PBRM1: variants seen among roughly 807,000 people sequenced by gnomAD.
PBRM1 encodes the protein protein polybromo-1.
In PBRM1, 27 loss-of-function variants were observed where a neutral mutation model predicts 194.5. That is an observed-to-expected ratio of 0.14 (90% CI 0.10 to 0.19). The LOEUF (loss-of-function observed/expected upper bound fraction) is 0.19, where lower values mean the gene tolerates loss of function less well. Ranked by LOEUF, PBRM1 falls within the 10% of genes least tolerant of loss-of-function variation. The pLI, the probability that PBRM1 is intolerant of heterozygous loss-of-function variation, is 1.00. For missense variants in PBRM1, 1,466 were observed against 2,077.2 expected (o/e 0.71, Z 5.72); for synonymous variants, 655 against 693.2 (o/e 0.94, Z 0.87).
At chr3:52,563,560 G>T in intron 23 of PBRM1, 67 bp from the exon 26 acceptor site, 2 of 1,118,460 alleles carry the variant, frequency 1.8e-6, no homozygotes, top group Non-Finnish European at 2.7e-6. Context: ...GGAAAGCAGT[G>T]TTCCACCTTA....
intron 2 of PBRM1, among the ~76,000 whole-genome samples, chr3:52,672,769 C>A (rs1161461990): frequency 1.3e-5 from 2 of 152,010 alleles, no homozygotes; most frequent in Non-Finnish European, 2.9e-5. Context: ...GTTGGGATTA[C>A]AGGCATGAGC....
intron 17 of PBRM1, among the ~76,000 whole-genome samples, chr3:52,602,917 T>C (rs546175401): frequency 4.6e-5 from 7 of 152,218 alleles, no homozygotes; most frequent in Non-Finnish European, 7.3e-5. Context: ...TGCCAAAGAT[T>C]AACATAACTT....
exon 25 of PBRM1, chr3:52,561,928 C>G (rs1199584083): frequency 6.2e-6 from 10 of 1,614,106 alleles, no homozygotes; most frequent in East Asian, 2.2e-5. Context: ...CCGTTTGGAG[C>G]CTTCCTTCTT....
chr3:52,671,281 A>G (rs1358607164), intron 2 of PBRM1, among the ~76,000 whole-genome samples: 2 of 152,248 alleles, frequency 1.3e-5, no homozygotes, highest in African/African-American at 2.4e-5. Context: ...AATACTTGAG[A>G]AAAAAACATA....
chr3:52,570,727 G>A (rs1199186289), intron 22 of PBRM1, among the ~76,000 whole-genome samples: 1 of 152,144 alleles, frequency 6.6e-6, no homozygotes, highest in Non-Finnish European at 1.5e-5. Flanking sequence ...AGATCAATTT[G>A]GGGGGAACTG....
chr3:52,632,113 T>G (rs186105778), intron 11 of PBRM1, among the ~76,000 whole-genome samples: 59 of 152,354 alleles, frequency 3.9e-4, no homozygotes, highest in African/African-American at 1.3e-3. Flanking sequence ...AATACCTCTT[T>G]GAGACCCTGC....
chr3:52,588,044 C>G (rs2092625182), intron 18 of PBRM1, among the ~76,000 whole-genome samples: 1 of 151,972 alleles, frequency 6.6e-6, no homozygotes, highest in African/African-American at 2.4e-5. Context: ...TGCCCAGGCT[C>G]TTCTTCATAT....
At chr3:52,633,996 C>T (rs968215478) in intron 11 of PBRM1, among the ~76,000 whole-genome samples, 4 of 152,022 alleles carry the variant, frequency 2.6e-5, no homozygotes, top group South Asian at 4.2e-4. Context: ...GGTATGGTTG[C>T]GGTTAATGAA....
intron 17 of PBRM1, among the ~76,000 whole-genome samples, chr3:52,597,838 G>C (rs1286477734): frequency 6.6e-6 from 1 of 152,076 alleles, no homozygotes; most frequent in Non-Finnish European, 1.5e-5. Flanking sequence ...CGAGTAGCTG[G>C]GACTATAGGC....
exon 25 of PBRM1, chr3:52,561,952 G>A (rs1455184698): frequency 6.2e-7 from 1 of 1,613,642 alleles, no homozygotes; most frequent in Admixed American, 1.7e-5. Context: ...ACTGCCTTTG[G>A]CAGACTTTGG....
In PBRM1 at chr3:52,601,040, C is replaced by T. The variant is rs1161967795; in HGVS notation, c.2779+2481G>A. 2.6e-5 allele frequency among the ~76,000 whole-genome samples: 4 copies of T among 152,180 alleles called. No individual in the cohort carries two copies. In the East Asian group the frequency reaches 5.8e-4, roughly 22 times the overall value. On this transcript the variant is annotated intron_variant, in intron 17 of 29. Coordinates refer to ENST00000296302, the Ensembl canonical transcript of PBRM1. The stretch of plus-strand genomic sequence containing the variant: ...TTCTTGATTCCTGTGTCCTTACTTA[C>T]ATTGATATTATATGTGTGTCTAGTA...
At chr3:52,547,713 GA>G (rs1406141931), downstream of PBRM1, 3 of 236,060 alleles carry the variant, frequency 1.3e-5, no homozygotes, top group African/African-American at 6.7e-5. Context: ...CCAAAACCAA[GA>G]AAACAAAAAC....
chr3:52,591,330 T>A (rs1413559718), intron 17 of PBRM1, among the ~76,000 whole-genome samples: 4 of 152,154 alleles, frequency 2.6e-5, no homozygotes, highest in Non-Finnish European at 5.9e-5. Context: ...TCTTGTCTTG[T>A]GTCAGTTTTC....
At chr3:52,662,958 T>C in intron 3 of PBRM1, among the ~76,000 whole-genome samples, 1 of 152,218 alleles carries the variant, frequency 6.6e-6, no homozygotes, top group East Asian at 1.9e-4. Context: ...TTAATACTTG[T>C]GGTTTGAAAT....
At chr3:52,563,625 A>G (rs974574590) in intron 23 of PBRM1, 132 bp from the exon 26 acceptor site, 20 of 635,142 alleles carry the variant, frequency 3.1e-5, no homozygotes, top group Non-Finnish European at 2.8e-5. Context: ...GGCAGCATGG[A>G]AAGAGTTTAA....
At chr3:52,626,736 A>G (rs1278339544) in intron 13 of PBRM1, among the ~76,000 whole-genome samples, 1 of 152,052 alleles carries the variant, frequency 6.6e-6, no homozygotes, top group East Asian at 1.9e-4. Context: ...GTTATATAGG[A>G]AAAAAAACCC....
intron 17 of PBRM1, among the ~76,000 whole-genome samples, chr3:52,592,248 C>T (rs374974520): frequency 8.6e-5 from 13 of 151,646 alleles, no homozygotes; most frequent in Admixed American, 4.6e-4. Context: ...TCTCCTGCCT[C>T]GGCCTCTCGA....
At chr3:52,616,441 C>G (rs1186568155) in intron 14 of PBRM1, among the ~76,000 whole-genome samples, 1 of 152,178 alleles carries the variant, frequency 6.6e-6, no homozygotes. Flanking sequence ...CGCCTGTAAT[C>G]CCAGAACTTT....
At chr3:52,552,986 C>G (rs1331834157) in intron 27 of PBRM1, among the ~76,000 whole-genome samples, 1 of 152,214 alleles carries the variant, frequency 6.6e-6, no homozygotes, top group Non-Finnish European at 1.5e-5. Flanking sequence ...TTCTAAGCAA[C>G]TCTCACAAAG....
Sources: gnomAD v4.1 joint callset for allele counts (sites outside exome capture counted in the v4.1 genomes callset) on GRCh38, gnomAD v4.1.1 for gene constraint, MANE v1.5 for transcripts, NCBI Gene and HGNC (gene_info 2026-07-23, HGNC 2026-07-21) for gene names.